Variants in CCDC171 observed in about 807,000 individuals in gnomAD.
The protein encoded by CCDC171 is coiled-coil domain-containing protein 171.
CCDC171 carries 177 observed loss-of-function variants against 168.2 expected under a neutral mutation model. That is an observed-to-expected ratio of 1.05 (90% CI 0.93 to 1.19). The LOEUF is 1.19. Among genes scored for constraint, CCDC171 ranks in the 50% most tolerant of loss-of-function variants. The pLI, the probability that CCDC171 is intolerant of heterozygous loss-of-function variation, is 0.00. For missense variants in CCDC171, 1,991 were observed against 1,539.0 expected, an observed-to-expected ratio of 1.29 and a Z score of -4.91; for synonymous variants, 687 against 540.8, an observed-to-expected ratio of 1.27 and a Z score of -3.75.
chr9:15,781,024 A>T (rs966534458), intron 20 of CCDC171, among the ~76,000 whole-genome samples: 9 of 152,232 alleles, frequency 5.9e-5, no homozygotes, highest in African/African-American at 1.9e-4. Flanking sequence ...ATGGACACAG[A>T]CAGTCATTTA....
At chr9:15,575,000 T>C (rs1281356055) in intron 3 of CCDC171, among the ~76,000 whole-genome samples, 3 of 151,952 alleles carry the variant, frequency 2.0e-5, no homozygotes, top group Non-Finnish European at 4.4e-5. Context: ...TACTGTAAGG[T>C]TTTTAGAATC....
intron 11 of CCDC171, among the ~76,000 whole-genome samples, chr9:15,714,775 C>CT (rs764519858): frequency 8.5e-5 from 13 of 152,254 alleles, no homozygotes; most frequent in African/African-American, 3.1e-4. Flanking sequence ...CTAATTCTTC[C>CT]TTTTTTGTTT....
upstream of CCDC171, among the ~76,000 whole-genome samples, chr9:16,041,571 T>C (rs1182008790): frequency 6.6e-6 from 1 of 152,210 alleles, no homozygotes; most frequent in East Asian, 1.9e-4. Context: ...TTTCCAATAA[T>C]TTATATTTCT....
intron 25 of CCDC171, among the ~76,000 whole-genome samples, chr9:15,934,962 A>T (rs781226368): frequency 2.0e-4 from 31 of 152,108 alleles, no homozygotes; most frequent in Non-Finnish European, 3.7e-4. Context: ...AGGCAAATCC[A>T]TGGAGACAAG....
At chr9:16,092,051 C>T in the CCDC171 span, among the ~76,000 whole-genome samples, 2 of 152,104 alleles carry the variant, frequency 1.3e-5, no homozygotes, top group African/African-American at 2.4e-5. Flanking sequence ...TACATTTATC[C>T]CAATTTTTAA....
At chr9:15,565,535 C>T (rs2039663284) in intron 2 of CCDC171, among the ~76,000 whole-genome samples, 1 of 152,076 alleles carries the variant, frequency 6.6e-6, no homozygotes, top group African/African-American at 2.4e-5. Context: ...AATCTGGATA[C>T]AGTTATTTAA....
chr9:15,706,377 C>A (rs2052236876), intron 11 of CCDC171, among the ~76,000 whole-genome samples: 1 of 152,032 alleles, frequency 6.6e-6, no homozygotes, highest in Non-Finnish European at 1.5e-5. Flanking sequence ...GCAGTCTCAA[C>A]CTTCTGGGCT....
chr9:15,555,455 C>T (rs1378830201), intron 1 of CCDC171, among the ~76,000 whole-genome samples: 5 of 151,898 alleles, frequency 3.3e-5, no homozygotes, highest in East Asian at 3.9e-4. Flanking sequence ...TTGTCAGTTT[C>T]GATACGGGGA....
intron 24 of CCDC171, among the ~76,000 whole-genome samples, chr9:15,879,631 G>A (rs1299562043): frequency 6.6e-6 from 1 of 151,904 alleles, no homozygotes. Flanking sequence ...TATCTTTCTT[G>A]TCAGTAATTA....
intron 24 of CCDC171, among the ~76,000 whole-genome samples, chr9:15,893,581 C>T (rs1240905299): frequency 2.0e-5 from 3 of 152,002 alleles, no homozygotes; most frequent in African/African-American, 7.2e-5. Flanking sequence ...AACCAATTTA[C>T]AAGAAAAAAC....
chr9:15,920,047 T>G (rs1825102605), intron 24 of CCDC171, among the ~76,000 whole-genome samples: 1 of 151,738 alleles, frequency 6.6e-6, no homozygotes, highest in Admixed American at 6.6e-5. Context: ...TACATCTTAT[T>G]TAAATAAATA....
intron 1 of CCDC171, among the ~76,000 whole-genome samples, chr9:16,056,187 T>G (rs898854418): frequency 1.3e-4 from 20 of 152,194 alleles, no homozygotes; most frequent in African/African-American, 4.8e-4. Context: ...AATAAGAAAT[T>G]TGTGTCTTTT....
In CCDC171 at chr9:15,664,565, T is replaced by TATACACACACACACACACAC. The variant is rs1554744762; in HGVS notation, c.916-1596_916-1577dup. ...TGCTTGGCCTGTAGGCCCTTAAATT[T>TATACACACACACACACACAC]ATACACACACACACACACACACACT... On this transcript the variant is annotated intron_variant, in intron 8 of 25. Coordinates refer to ENST00000380701, the MANE Select transcript of CCDC171 (RefSeq NM_173550.4). Among the ~76,000 whole-genome samples, 11 of 4,940 alleles carry TATACACACACACACACACAC rather than the reference T, an allele frequency of 2.2e-3. No homozygotes were observed. The Admixed American group carries it at 0.03, about 13-fold the overall frequency. The allele number at this position is 4,940 out of a possible 152,430, so 3.2% of individuals were successfully genotyped here.
chr9:15,820,253 C>A (rs201245398), intron 21 of CCDC171, among the ~76,000 whole-genome samples: 2 of 113,084 alleles, frequency 1.8e-5, no homozygotes, highest in Non-Finnish European at 4.0e-5. Context: ...GATCTAAAAT[C>A]GACACCCTAA....
chr9:15,606,597 A>G (rs1337759673), intron 6 of CCDC171, among the ~76,000 whole-genome samples: 2 of 152,232 alleles, frequency 1.3e-5, no homozygotes, highest in East Asian at 1.9e-4. Flanking sequence ...AAAGAGGAGT[A>G]CATTTAACTC....
intron 6 of CCDC171, among the ~76,000 whole-genome samples, chr9:15,615,653 T>A (rs1018675046): frequency 9.2e-5 from 14 of 152,270 alleles, no homozygotes; most frequent in Middle Eastern, 3.4e-3. Flanking sequence ...TTCTTTTTTT[T>A]AAAAAAGGAT....
intron 24 of CCDC171, 22 bp from the exon 25 acceptor site, chr9:15,920,248 G>A: frequency 6.7e-7 from 1 of 1,498,960 alleles, no homozygotes; most frequent in South Asian, 1.3e-5. Context: ...AATTATATGT[G>A]ACATTATTTT....
At chr9:16,045,014 G>C (rs1833637198) in intron 1 of CCDC171, among the ~76,000 whole-genome samples, 1 of 152,180 alleles carries the variant, frequency 6.6e-6, no homozygotes, top group Admixed American at 6.5e-5. Flanking sequence ...GTTACTGCTT[G>C]TCTTATATTC....
At chr9:15,951,982 A>T (rs1829241049) in intron 25 of CCDC171, among the ~76,000 whole-genome samples, 1 of 152,066 alleles carries the variant, frequency 6.6e-6, no homozygotes, top group African/African-American at 2.4e-5. Flanking sequence ...TTCTTCTAAA[A>T]ATTTTATAAT....
Sources: allele counts gnomAD v4.1 joint callset (sites outside exome capture counted in the v4.1 genomes callset), GRCh38; gene constraint gnomAD v4.1.1; transcripts MANE v1.5; gene names NCBI Gene and HGNC (gene_info 2026-07-23, HGNC 2026-07-21).